DLGAP2: variants seen among roughly 807,000 people sequenced by gnomAD.
DLGAP2 encodes DLG associated protein 2, also known as disks large-associated protein 2.
Under a neutral mutation model 100.3 loss-of-function variants are expected in DLGAP2, and 26 were observed. That is an observed-to-expected ratio of 0.26 (90% confidence interval 0.19 to 0.36). DLGAP2 has a LOEUF of 0.36. DLGAP2 is among the 10% of genes least tolerant of loss of function. The probability of loss-of-function intolerance (pLI) is 1.00; values close to 1 mark genes in which losing one functional copy is unlikely to be tolerated. For synonymous variants in DLGAP2, 886 were observed against 630.1 expected (o/e 1.41, Z -6.08); for missense variants, 1,858 against 1,453.2 (o/e 1.28, Z -4.53).
intron 8 of DLGAP2, among the ~76,000 whole-genome samples, chr8:1,652,223 A>G (rs1047770596): frequency 6.6e-6 from 1 of 152,178 alleles, no homozygotes; most frequent in African/African-American, 2.4e-5. Context: ...TCTTACGTGA[A>G]GATGCTAATG....
chr8:1,544,108 G>T (rs1421207114), intron 4 of DLGAP2, among the ~76,000 whole-genome samples: 1 of 151,918 alleles, frequency 6.6e-6, no homozygotes, highest in Non-Finnish European at 1.5e-5. Context: ...TTGCCATGTT[G>T]TCCAGGCTGG....
intron 2 of DLGAP2, among the ~76,000 whole-genome samples, chr8:1,197,582 C>G (rs1387249065): frequency 6.6e-6 from 1 of 152,002 alleles, no homozygotes; most frequent in Non-Finnish European, 1.5e-5. Context: ...CAGCTGTCCA[C>G]CTAAACCTGA....
At chr8:866,176 C>G (rs530230238) in intron 1 of DLGAP2, among the ~76,000 whole-genome samples, 15 of 152,272 alleles carry the variant, frequency 9.9e-5, no homozygotes, top group African/African-American at 3.4e-4. Flanking sequence ...GTGCCTCTCA[C>G]ATACCCTCAG....
chr8:1,459,687 T>TC (rs1554475567), intron 3 of DLGAP2, among the ~76,000 whole-genome samples: 2 of 146,478 alleles, frequency 1.4e-5, no homozygotes, highest in East Asian at 4.0e-4. Flanking sequence ...TTGTTTTCTT[T>TC]TTTTTTTTTT....
intron 2 of DLGAP2, among the ~76,000 whole-genome samples, chr8:1,159,105 C>G (rs1454050250): frequency 2.0e-5 from 3 of 152,172 alleles, no homozygotes; most frequent in Non-Finnish European, 4.4e-5. Flanking sequence ...GAACGTAGAC[C>G]TGGTCATTTG....
At chr8:1,147,489 A>T (rs1022750826) in intron 2 of DLGAP2, among the ~76,000 whole-genome samples, 1 of 151,152 alleles carries the variant, frequency 6.6e-6, no homozygotes, top group Admixed American at 6.6e-5. Flanking sequence ...ATTGAATTTC[A>T]TTTAACGTTT....
chr8:1,095,768 A>G (rs1051720442), intron 2 of DLGAP2, among the ~76,000 whole-genome samples: 1 of 152,208 alleles, frequency 6.6e-6, no homozygotes, highest in Non-Finnish European at 1.5e-5. Context: ...TTTGTAACAT[A>G]AAAACCTTCT....
intron 13 of DLGAP2, among the ~76,000 whole-genome samples, chr8:1,694,507 C>CAA (rs1799331160): frequency 6.6e-6 from 1 of 152,180 alleles, no homozygotes; most frequent in African/African-American, 2.4e-5. Context: ...GCTTGTGACA[C>CAA]AACCAGAAGG....
At chr8:1,334,587 C>A (rs1363637370) in intron 3 of DLGAP2, among the ~76,000 whole-genome samples, 4 of 152,078 alleles carry the variant, frequency 2.6e-5, no homozygotes, top group African/African-American at 4.8e-5. Context: ...TCCCCACCTG[C>A]CCTCGACCCC....
intron 3 of DLGAP2, among the ~76,000 whole-genome samples, chr8:1,265,908 G>T: frequency 6.6e-6 from 1 of 152,206 alleles, no homozygotes; most frequent in East Asian, 1.9e-4. Flanking sequence ...ATGGTAGGAT[G>T]ACTCAGGTAT....
chr8:1,252,843 G>C (rs756261576), intron 2 of DLGAP2, among the ~76,000 whole-genome samples: 1 of 152,216 alleles, frequency 6.6e-6, no homozygotes, highest in Non-Finnish European at 1.5e-5. Flanking sequence ...TGTGCTCGGA[G>C]ACTTGGAAGA....
intron 2 of DLGAP2, among the ~76,000 whole-genome samples, chr8:1,004,814 G>A (rs1237695023): frequency 6.6e-6 from 1 of 152,208 alleles, no homozygotes; most frequent in Admixed American, 6.5e-5. Flanking sequence ...CAGTATTGCA[G>A]CTGAAGTGTC....
chr8:1,340,950 G>A (rs940955348), intron 3 of DLGAP2, among the ~76,000 whole-genome samples: 2 of 152,174 alleles, frequency 1.3e-5, no homozygotes, highest in African/African-American at 2.4e-5. Context: ...GATGGAGCTG[G>A]AGGCCATTAT....
At chr8:1,568,217 TCCAC>T (rs1802488559) in intron 6 of DLGAP2, among the ~76,000 whole-genome samples, 2 of 133,464 alleles carry the variant, frequency 1.5e-5, no homozygotes, top group Admixed American at 7.7e-5. Flanking sequence ...CATGCCACTG[TCCAC>T]TCAGTAGACA....
intron 3 of DLGAP2, among the ~76,000 whole-genome samples, chr8:1,390,986 G>A (rs939806515): frequency 6.6e-6 from 1 of 152,222 alleles, no homozygotes; most frequent in South Asian, 2.1e-4. Flanking sequence ...TGTGCTGGCA[G>A]GACGAAGGGG....
chr8:1,206,357 C>T (rs7010249), intron 2 of DLGAP2, among the ~76,000 whole-genome samples: 2,193 of 51,170 alleles, frequency 0.043, 56 homozygotes, highest in African/African-American at 0.14. Context: ...TCCAGCCATC[C>T]GTGGACTGGG....
chr8:1,254,888 CGT>C (rs1799137749), intron 2 of DLGAP2, among the ~76,000 whole-genome samples: 1 of 128,738 alleles, frequency 7.8e-6, no homozygotes, highest in Admixed American at 7.4e-5. Context: ...CTCCTGCCCG[CGT>C]GCTGTGTCTG....
intron 2 of DLGAP2, among the ~76,000 whole-genome samples, chr8:1,086,236 T>C (rs1249001537): frequency 6.6e-6 from 1 of 152,206 alleles, no homozygotes; most frequent in Admixed American, 6.5e-5. Context: ...TCTTTCCAAT[T>C]TGTATGTTTT....
At chr8:741,316 A>C (rs1345243344) in intron 1 of DLGAP2, among the ~76,000 whole-genome samples, 1 of 152,254 alleles carries the variant, frequency 6.6e-6, no homozygotes, top group Non-Finnish European at 1.5e-5. Flanking sequence ...GCTTAACAGC[A>C]GTAACAAATT....
Sources: allele counts gnomAD v4.1 joint callset (sites outside exome capture counted in the v4.1 genomes callset), GRCh38; gene constraint gnomAD v4.1.1; transcripts MANE v1.5; gene names NCBI Gene and HGNC (gene_info 2026-07-23, HGNC 2026-07-21).